The following GRIK2 variants were observed in gnomAD, a reference collection of about 807,000 sequenced individuals.
The protein encoded by GRIK2 is glutamate ionotropic receptor kainate type subunit 2.
A neutral mutation model predicts 100.3 loss-of-function variants in GRIK2; 32 were observed. That is an observed-to-expected ratio of 0.32 (90% CI 0.24 to 0.43). The LOEUF (loss-of-function observed/expected upper bound fraction) is 0.43. GRIK2 is among the 20% of genes least tolerant of loss of function. GRIK2 has a pLI of 1.00. For missense variants in GRIK2, 843 were observed against 1,114.9 expected, an observed-to-expected ratio of 0.76 and a Z score of 3.47; for synonymous variants, 417 against 389.4, an observed-to-expected ratio of 1.07 and a Z score of -0.83.
At chr6:101,661,914 C>T (rs1769648472) in intron 4 of GRIK2, among the ~76,000 whole-genome samples, 1 of 152,150 alleles carries the variant, frequency 6.6e-6, no homozygotes, top group African/African-American at 2.4e-5. Context: ...CCTATTCGGC[C>T]ATCTTCCCAG....
At chr6:101,785,832 T>C (rs934740709) in intron 7 of GRIK2, among the ~76,000 whole-genome samples, 16 of 152,064 alleles carry the variant, frequency 1.1e-4, no homozygotes, top group Non-Finnish European at 1.9e-4. Flanking sequence ...TTTTAGAAGT[T>C]TTTTTTCTTT....
At chr6:101,524,711 C>T (rs925017395) in intron 2 of GRIK2, among the ~76,000 whole-genome samples, 1 of 141,456 alleles carries the variant, frequency 7.1e-6, no homozygotes, top group South Asian at 2.3e-4. Flanking sequence ...TTAAGACTTG[C>T]ATGTTCGTTT....
At position 102,068,445 on chromosome 6, in the gene GRIK2, A is replaced by T. The variant is rs1772124994; in HGVS notation, c.2661A>T (p.Thr887=). ...HKPQAPVIVK[T]EEVINMHTFN... The stretch of plus-strand genomic sequence containing the variant: ...CACAGGCCCCAGTTATTGTGAAAAC[A>T]GAAGAAGTTATCAACATGCACACAT... Residue 887 remains threonine, a synonymous_variant, in exon 17 of 17, where the codon ACA becomes ACT. Transcript: ENST00000369134. 5.0e-6 allele frequency: 8 copies of T among 1,612,248 alleles called. No individual in the cohort carries two copies. In the East Asian group the frequency reaches 1.8e-4, roughly 36 times the overall value.
intron 10 of GRIK2, among the ~76,000 whole-genome samples, chr6:101,824,086 T>C (rs1444405429): frequency 6.6e-6 from 1 of 152,006 alleles, no homozygotes; most frequent in Non-Finnish European, 1.5e-5. Context: ...ACGGTGACCA[T>C]GTTGGTCAGG....
At chr6:101,794,478 T>C (rs971078657) in intron 7 of GRIK2, among the ~76,000 whole-genome samples, 4 of 152,196 alleles carry the variant, frequency 2.6e-5, no homozygotes, top group African/African-American at 9.6e-5. Context: ...TATTCTTTAA[T>C]TGTTTTTGTT....
chr6:101,723,972 T>C (rs929099406), intron 7 of GRIK2, among the ~76,000 whole-genome samples: 4 of 151,852 alleles, frequency 2.6e-5, no homozygotes, highest in African/African-American at 4.8e-5. Flanking sequence ...ACCAGTGGTA[T>C]ATTTTATGTA....
intron 15 of GRIK2, among the ~76,000 whole-genome samples, chr6:102,050,917 G>A (rs1165836099): frequency 6.6e-6 from 1 of 152,076 alleles, no homozygotes; most frequent in African/African-American, 2.4e-5. Context: ...TGTGTTTACT[G>A]TTTATAATAA....
chr6:102,056,107 T>G (rs1448911874), intron 16 of GRIK2, among the ~76,000 whole-genome samples: 1 of 151,912 alleles, frequency 6.6e-6, no homozygotes, highest in East Asian at 1.9e-4. Context: ...ATTTTCTACA[T>G]TAATGAGTGT....
At chr6:101,857,694 G>T (rs1029602559) in intron 10 of GRIK2, among the ~76,000 whole-genome samples, 19 of 152,184 alleles carry the variant, frequency 1.2e-4, no homozygotes, top group African/African-American at 4.6e-4. Flanking sequence ...AGAACCAATT[G>T]TTGCACCTTG....
chr6:101,530,731 C>T (rs542626727), intron 2 of GRIK2, among the ~76,000 whole-genome samples: 1 of 151,936 alleles, frequency 6.6e-6, no homozygotes, highest in Admixed American at 6.6e-5. Context: ...GTGACTGACA[C>T]TGGAATTATG....
intron 14 of GRIK2, among the ~76,000 whole-genome samples, chr6:101,966,135 C>A (rs1440502364): frequency 6.6e-6 from 1 of 151,998 alleles, no homozygotes; most frequent in East Asian, 1.9e-4. Context: ...GTCATTTTGC[C>A]ATTATCAGAA....
chr6:102,029,866 T>C (rs914488609), intron 14 of GRIK2, among the ~76,000 whole-genome samples: 8 of 151,204 alleles, frequency 5.3e-5, no homozygotes, highest in Non-Finnish European at 1.2e-4. Flanking sequence ...ACAGCAGCTA[T>C]GCACAGAGCC....
intron 14 of GRIK2, among the ~76,000 whole-genome samples, chr6:101,980,650 A>G (rs1177097703): frequency 1.3e-5 from 2 of 151,872 alleles, no homozygotes; most frequent in Non-Finnish European, 2.9e-5. Context: ...ATACTTGTAT[A>G]ATATTAATAT....
At chr6:101,476,035 T>C (rs561911807) in intron 2 of GRIK2, among the ~76,000 whole-genome samples, 148 of 152,216 alleles carry the variant, frequency 9.7e-4, no homozygotes, top group Non-Finnish European at 1.9e-3. Flanking sequence ...TGTCAAAAAC[T>C]GAAACATTTC....
rs1793723320 is a variant in GRIK2 at position 101,981,709 on chromosome 6, C to G, written c.2085+53077C>G. On this transcript the variant is annotated intron_variant, in intron 14 of 16. Coordinates refer to ENST00000369134, the MANE Select transcript of GRIK2 (RefSeq NM_021956.5). ...AATTACAGAGCATCTATTATTTGAA[C>G]AAGGCCTTGCATGAGAGAAAAGTTT... Among the ~76,000 whole-genome samples, 6 of 151,714 alleles carry G rather than the reference C, an allele frequency of 4.0e-5. No homozygotes were observed. The South Asian group carries it at 1.2e-3, about 32-fold the overall frequency.
chr6:102,008,419 C>T (rs763832844), intron 14 of GRIK2, among the ~76,000 whole-genome samples: 3 of 151,908 alleles, frequency 2.0e-5, no homozygotes, highest in Non-Finnish European at 4.4e-5. Context: ...AAAGCAATGT[C>T]GCCTGATGAC....
At chr6:101,953,703 G>T (rs1184219955) in intron 14 of GRIK2, among the ~76,000 whole-genome samples, 1 of 151,838 alleles carries the variant, frequency 6.6e-6, no homozygotes, top group Non-Finnish European at 1.5e-5. Flanking sequence ...TCCATTCTTG[G>T]GTTATCATTT....
chr6:101,501,444 G>T (rs1385247787), intron 2 of GRIK2, among the ~76,000 whole-genome samples: 1 of 152,156 alleles, frequency 6.6e-6, no homozygotes, highest in Non-Finnish European at 1.5e-5. Flanking sequence ...CAGTTATCTT[G>T]CTTGTGACTG....
chr6:101,430,478 G>A lies in GRIK2; in HGVS notation c.115+31086G>A, dbSNP rs137895344. The A allele has an allele frequency of 3.7e-3, 796 of 212,350 alleles. 6 individuals carry two copies. The highest frequency in any genetic ancestry group is 0.018 in the African/African-American group (769 of 43,082). The allele number at this position is 212,350 out of a possible 1,614,324, so 13.2% of individuals were successfully genotyped here. A position where few individuals can be genotyped will look rare whatever the true frequency, so the allele number is the denominator to read the frequency against. On this transcript the variant is annotated intron_variant, in intron 2 of 16. Coordinates refer to ENST00000369134, the MANE Select transcript of GRIK2 (RefSeq NM_021956.5). The stretch of plus-strand genomic sequence containing the variant: ...CAGCATGGAGCTTCTGATCCACACC[G>A]AGTATTTGAGCTCAGTGGGGGTGAT...
Sources: gnomAD v4.1 joint callset for allele counts (sites outside exome capture counted in the v4.1 genomes callset) on GRCh38, gnomAD v4.1.1 for gene constraint, MANE v1.5 for transcripts, NCBI Gene and HGNC (gene_info 2026-07-23, HGNC 2026-07-21) for gene names.